Variants in ASPSCR1 observed in about 807,000 individuals in gnomAD.
ASPSCR1 encodes the protein tether containing UBX domain for GLUT4.
Under a neutral mutation model 68.9 loss-of-function variants are expected in ASPSCR1, and 55 were observed. That is an observed-to-expected ratio of 0.80 (90% CI 0.64 to 1.00). The LOEUF (loss-of-function observed/expected upper bound fraction) is 1.00, where lower values mean the gene tolerates loss of function less well. Among genes scored for constraint, ASPSCR1 ranks in the 50% least tolerant of loss-of-function variants. The pLI is 0.00. For missense variants in ASPSCR1, 765 were observed against 762.2 expected, an observed-to-expected ratio of 1.00 and a Z score of -0.04; for synonymous variants, 352 against 332.6, an observed-to-expected ratio of 1.06 and a Z score of -0.63.
intron 3 of ASPSCR1, among the ~76,000 whole-genome samples, chr17:81,985,138 G>A (rs375158730): frequency 6.1e-5 from 8 of 131,188 alleles, no homozygotes; most frequent in African/African-American, 1.2e-4. Flanking sequence ...GCACACACAC[G>A]CACATCTGCA....
chr17:81,985,138 G>C (rs375158730), intron 3 of ASPSCR1, among the ~76,000 whole-genome samples: 1 of 131,050 alleles, frequency 7.6e-6, no homozygotes, highest in Non-Finnish European at 1.6e-5. Context: ...GCACACACAC[G>C]CACATCTGCA....
Position 82,001,045 on chromosome 17 carries a change from G to A in ASPSCR1, c.933+4199G>A, listed in dbSNP as rs867936198. ...ACCTTGCTCCTGGAGCCGGGGCCTGGGGTTTCCTCAGCACCCCTGCTCACA... is the reference window on the plus strand; with the variant it reads ...ACCTTGCTCCTGGAGCCGGGGCCTGAGGTTTCCTCAGCACCCCTGCTCACA... On this transcript the variant is annotated intron_variant, in intron 7 of 15. Transcript: ENST00000306739. Among the ~76,000 whole-genome samples, 14 of 152,356 alleles carry A rather than the reference G, an allele frequency of 9.2e-5. No individual in the cohort carries two copies. In the South Asian group the frequency reaches 1.9e-3, roughly 20 times the overall value.
chr17:81,985,788 C>T (rs919794548), intron 4 of ASPSCR1, among the ~76,000 whole-genome samples, 181 bp downstream of exon 4: 4 of 152,130 alleles, frequency 2.6e-5, no homozygotes, highest in African/African-American at 7.2e-5. Context: ...GCAGCAGCCT[C>T]GGGGATGGCT....
At chr17:82,008,811 G>T (rs1442732924) in intron 7 of ASPSCR1, 2 of 499,342 alleles carry the variant, frequency 4.0e-6, no homozygotes, top group Non-Finnish European at 6.8e-6. Context: ...GACTGGGAGA[G>T]GGGGGTCTCC....
At chr17:82,009,937 GTC>G (rs1302681421) in intron 9 of ASPSCR1, 1 of 242,146 alleles carries the variant, frequency 4.1e-6, no homozygotes, top group Non-Finnish European at 8.4e-6. Flanking sequence ...TTGAGACGGA[GTC>G]TCTCTCTGTC....
At chr17:81,982,262 C>T (rs142237607) in intron 2 of ASPSCR1, among the ~76,000 whole-genome samples, 88 of 152,388 alleles carry the variant, frequency 5.8e-4, no homozygotes, top group Non-Finnish European at 9.6e-4. Flanking sequence ...AGCCACCGCG[C>T]CCAGCGCATT....
rs910650360 is a variant in ASPSCR1, at chr17:81,977,790, G to T, written c.102+42G>T. 1.9e-4 allele frequency: 224 copies of T among 1,201,100 alleles called. No individual in the cohort carries two copies. The highest frequency in any genetic ancestry group is 2.1e-4 in the Non-Finnish European group (207 of 966,244). 74.4% of individuals were successfully genotyped at this position (1,201,100 alleles called of 1,614,324 possible). ...GGGGCGGACGGGTAGGCGGGCGGGG[G>T]GCGCTGCGCCGAGGCCCCGCCCATT... On this transcript the variant is annotated intron_variant, in intron 1 of 15. Coordinates refer to ENST00000306739, the MANE Select transcript of ASPSCR1 (RefSeq NM_024083.4). The surrounding 1 kb of genome is among the most constrained non-coding windows in gnomAD (Gnocchi z 5.0).
rs755996784 is a variant in ASPSCR1, at chr17:82,016,929, G to A, written c.1476-12G>A. The A allele has an allele frequency of 1.7e-5, 28 of 1,610,934 alleles. No individual in the cohort carries two copies. The highest frequency in any genetic ancestry group is 3.3e-4 in the Middle Eastern group (2 of 6,056). ...GCGGCACTCACCACTCTGTGTCTTC[G>A]CCTCCCCACAGGTACATGTCCAGGG... On this transcript the variant is annotated splice_polypyrimidine_tract_variant and intron_variant, in intron 14 of 15. Transcript: ENST00000306739.
rs367665050 is a variant in ASPSCR1, at chr17:82,015,465, G to A, written c.1354-1011G>A. Reference sequence around the variant, plus strand: ...CCCTCTCCTGGTGTTCCCGAGTCCTGCCCGCCCCTTTCTGTGCGTCCCGTG... The same window carrying A: ...CCCTCTCCTGGTGTTCCCGAGTCCTACCCGCCCCTTTCTGTGCGTCCCGTG... On this transcript the variant is annotated intron_variant, in intron 12 of 15. Coordinates refer to ENST00000306739, the MANE Select transcript of ASPSCR1 (RefSeq NM_024083.4). The A allele has an allele frequency of 1.2e-4, 162 of 1,375,706 alleles. No homozygotes were observed. The African/African-American group carries it at 1.9e-3, about 16-fold the overall frequency. The allele number at this position is 1,375,706 out of a possible 1,614,324, so 85.2% of individuals were successfully genotyped here. A position where few individuals can be genotyped will look rare whatever the true frequency, so the allele number is the denominator to read the frequency against.
Position 81,983,531 on chromosome 17 carries a change from G to A in ASPSCR1, c.159-23G>A. ...CGTGTCAGGCTCTGCAGGGCAGCAA[G>A]TGTGCTCTGGTCTGTCTTGCAGGTT... is the stretch of plus-strand genomic sequence containing the variant. On this transcript the variant is annotated intron_variant, in intron 2 of 15. Coordinates refer to ENST00000306739, the MANE Select transcript of ASPSCR1 (RefSeq NM_024083.4). The surrounding 1 kb of genome is among the most constrained non-coding windows in gnomAD (Gnocchi z 4.4). 2.5e-6 allele frequency: 4 copies of A among 1,574,276 alleles called. No homozygotes were observed. The highest frequency in any genetic ancestry group is 3.5e-6 in the Non-Finnish European group (4 of 1,150,324).
At chr17:82,011,463 G>A (rs1349470988) in intron 10 of ASPSCR1, 80 bp from the exon 11 acceptor site, 2 of 1,338,674 alleles carry the variant, frequency 1.5e-6, no homozygotes, top group Admixed American at 2.3e-5. Context: ...AGGAGGGTGG[G>A]AGCAGTGGCC....
At chr17:82,010,761 G>T (rs750328029) in intron 9 of ASPSCR1, 41 bp from the exon 10 acceptor site, 1 of 1,594,936 alleles carries the variant, frequency 6.3e-7, no homozygotes, top group Non-Finnish European at 8.6e-7. Flanking sequence ...CCCTGGTGCA[G>T]CTCCGGCCGT....
intron 7 of ASPSCR1, chr17:82,004,227 C>T: frequency 6.5e-6 from 1 of 152,818 alleles, no homozygotes; most frequent in Non-Finnish European, 1.5e-5. Context: ...CCCAGGGATG[C>T]CCCAGCACTG....
At chr17:81,985,458 A>G (rs1264760499) in intron 3 of ASPSCR1, 49 bp from the exon 4 acceptor site, 4 of 1,563,244 alleles carry the variant, frequency 2.6e-6, no homozygotes, top group East Asian at 4.5e-5. Flanking sequence ...TTTAGAAGGA[A>G]TAGTTGCTTT....
At chr17:82,008,983 G>A (rs2042816710) in intron 7 of ASPSCR1, 54 bp from the exon 8 acceptor site, 2 of 1,439,978 alleles carry the variant, frequency 1.4e-6, no homozygotes, top group Non-Finnish European at 1.8e-6. Context: ...ACAGCCCGGG[G>A]TGCGGAGGGC....
chr17:82,009,012 C>G (rs556994070), intron 7 of ASPSCR1, 25 bp from the exon 8 acceptor site: 2 of 1,481,616 alleles, frequency 1.3e-6, no homozygotes, highest in African/African-American at 2.8e-5. Context: ...TGACACCCGC[C>G]GTCAGCCGCG....
chr17:81,989,156 C>T (rs2042085318), intron 4 of ASPSCR1, among the ~76,000 whole-genome samples: 1 of 152,042 alleles, frequency 6.6e-6, no homozygotes, highest in African/African-American at 2.4e-5. Context: ...TGCAGTGAGC[C>T]GACATCACAC....
chr17:81,989,788 A>G (rs1311497341), intron 4 of ASPSCR1, among the ~76,000 whole-genome samples: 1 of 152,174 alleles, frequency 6.6e-6, no homozygotes, highest in Non-Finnish European at 1.5e-5. Context: ...AGCGAGCCAC[A>G]CGTCGGCCAT....
At position 82,011,657 on chromosome 17, in the gene ASPSCR1, T is replaced by C. The variant is rs145237583; in HGVS notation, c.1300+52T>C. On this transcript the variant is annotated intron_variant, in intron 11 of 15. Transcript: ENST00000306739. Reference sequence around the variant, plus strand: ...CTGCCTCCAGTGCTCGGGGCCTTGGTGCTGTGGGCACACCGCCCGTCCCAG... The same window carrying C: ...CTGCCTCCAGTGCTCGGGGCCTTGGCGCTGTGGGCACACCGCCCGTCCCAG... The C allele has an allele frequency of 3.3e-4, 522 of 1,578,408 alleles. 5 individuals are homozygous for C. In the East Asian group the frequency reaches 0.01, roughly 30 times the overall value.
Sources: allele counts gnomAD v4.1 joint callset (sites outside exome capture counted in the v4.1 genomes callset), GRCh38; gene constraint gnomAD v4.1.1; non-coding constraint Gnocchi (gnomAD v3.1); transcripts MANE v1.5; gene names NCBI Gene and HGNC (gene_info 2026-07-23, HGNC 2026-07-21).